EPHA3: variants seen among roughly 807,000 people sequenced by gnomAD.
EPHA3 encodes the protein EPH receptor A3, also known as ephrin type-A receptor 3.
Under a neutral mutation model 107.1 loss-of-function variants are expected in EPHA3, and 42 were observed. That is an observed-to-expected ratio of 0.39 (90% CI 0.31 to 0.51). The LOEUF (loss-of-function observed/expected upper bound fraction) is 0.51. EPHA3 is among the 20% of genes least tolerant of loss of function. The probability of loss-of-function intolerance (pLI) is 0.78; values close to 1 mark genes in which losing one functional copy is unlikely to be tolerated. For missense variants in EPHA3, 1,183 were observed against 1,211.2 expected, an observed-to-expected ratio of 0.98 and a Z score of 0.35; for synonymous variants, 461 against 424.8, an observed-to-expected ratio of 1.09 and a Z score of -1.05.
chr3:89,337,119 G>A (rs1162542078), intron 3 of EPHA3, among the ~76,000 whole-genome samples: 6 of 151,834 alleles, frequency 4.0e-5, no homozygotes, highest in East Asian at 1.9e-4. Context: ...AGACATGTAC[G>A]AGAGAGCATT....
chr3:89,362,334 A>T (rs537897667), intron 5 of EPHA3, among the ~76,000 whole-genome samples: 1 of 151,148 alleles, frequency 6.6e-6, no homozygotes, highest in South Asian at 2.1e-4. Flanking sequence ...ATGGTGGGAG[A>T]TTAGCCTAGA....
At chr3:89,424,938 G>T (rs1375681628) in intron 11 of EPHA3, among the ~76,000 whole-genome samples, 1 of 151,394 alleles carries the variant, frequency 6.6e-6, no homozygotes, top group Admixed American at 6.6e-5. Context: ...GAGTAGGGTT[G>T]GTTAAGGAAG....
intron 2 of EPHA3, among the ~76,000 whole-genome samples, chr3:89,192,367 A>T (rs1196372139): frequency 6.6e-6 from 1 of 152,122 alleles, no homozygotes; most frequent in Admixed American, 6.5e-5. Flanking sequence ...GAGTTATAGG[A>T]GTAAAAGTTT....
intron 3 of EPHA3, among the ~76,000 whole-genome samples, chr3:89,328,468 T>G (rs1187211771): frequency 6.6e-6 from 1 of 152,228 alleles, no homozygotes; most frequent in African/African-American, 2.4e-5. Context: ...TGGAAAGAGA[T>G]AAGGTAATCA....
chr3:89,148,904 A>G (rs1704629591), intron 2 of EPHA3, among the ~76,000 whole-genome samples: 1 of 152,040 alleles, frequency 6.6e-6, no homozygotes, highest in African/African-American at 2.4e-5. Flanking sequence ...ATAAACATAT[A>G]ACATATTATT....
chr3:89,442,034 A>C (rs1472359620), intron 13 of EPHA3, among the ~76,000 whole-genome samples: 2 of 152,204 alleles, frequency 1.3e-5, no homozygotes, highest in Non-Finnish European at 2.9e-5. Context: ...TCTTACTAAA[A>C]TGCTTGGTTA....
At chr3:89,365,359 C>A (rs560070338) in intron 5 of EPHA3, among the ~76,000 whole-genome samples, 1 of 150,766 alleles carries the variant, frequency 6.6e-6, no homozygotes, top group Admixed American at 6.7e-5. Context: ...GGTCTACAAT[C>A]TTTTGGGGGG....
chr3:89,169,999 A>G (rs982165532), intron 2 of EPHA3, among the ~76,000 whole-genome samples: 1 of 152,126 alleles, frequency 6.6e-6, no homozygotes, highest in Admixed American at 6.5e-5. Flanking sequence ...CTGTAATCCC[A>G]GCACTTTGGG....
intron 5 of EPHA3, among the ~76,000 whole-genome samples, chr3:89,369,902 A>G (rs1708259638): frequency 6.6e-6 from 1 of 150,822 alleles, no homozygotes; most frequent in African/African-American, 2.4e-5. Flanking sequence ...AAACACATGA[A>G]AAAATGCTCA....
chr3:89,110,460 T>G (rs1000870902), intron 1 of EPHA3, among the ~76,000 whole-genome samples: 15 of 151,968 alleles, frequency 9.9e-5, no homozygotes, highest in African/African-American at 3.6e-4. Context: ...TTTCCTTCTA[T>G]TAATGTATTT....
At chr3:89,355,329 G>A (rs1258587812) in intron 5 of EPHA3, among the ~76,000 whole-genome samples, 2 of 151,034 alleles carry the variant, frequency 1.3e-5, no homozygotes, top group African/African-American at 4.8e-5. Context: ...CCATTTCTAA[G>A]TTTCTTTCCA....
At chr3:89,409,802 A>G (rs1709123434) in intron 9 of EPHA3, among the ~76,000 whole-genome samples, 1 of 152,052 alleles carries the variant, frequency 6.6e-6, no homozygotes, top group African/African-American at 2.4e-5. Flanking sequence ...ATTGCTTCAA[A>G]AGGAAAGAAA....
intron 3 of EPHA3, among the ~76,000 whole-genome samples, chr3:89,222,109 C>A (rs1298296225): frequency 1.3e-5 from 2 of 151,858 alleles, no homozygotes; most frequent in Non-Finnish European, 2.9e-5. Context: ...TTCCATTGCT[C>A]CTGCTGTTGC....
At chr3:89,398,406 AC>A (rs1162639193) in intron 6 of EPHA3, among the ~76,000 whole-genome samples, 2 of 152,226 alleles carry the variant, frequency 1.3e-5, no homozygotes, top group Non-Finnish European at 2.9e-5. Flanking sequence ...AATCTAATGT[AC>A]AATGTGAATC....
At chr3:89,232,000 C>T (rs1704645489) in intron 3 of EPHA3, among the ~76,000 whole-genome samples, 1 of 152,056 alleles carries the variant, frequency 6.6e-6, no homozygotes, top group South Asian at 2.1e-4. Context: ...CAGGGCAGGA[C>T]ACCTGTCACA....
Position 89,404,077 on chromosome 3 carries a change from C to T in EPHA3, c.1595-3192C>T, listed in dbSNP as rs531432863. 2.5e-4 allele frequency among the ~76,000 whole-genome samples: 38 copies of T among 152,108 alleles called. No homozygotes were observed. In the East Asian group the frequency reaches 6.0e-3, roughly 24 times the overall value. Reference sequence around the variant, plus strand: ...CCCCAGGGATAATTAAATTAGCGCTCCCGAAAGCCTCACACCCTCATTATT... The same window carrying T: ...CCCCAGGGATAATTAAATTAGCGCTTCCGAAAGCCTCACACCCTCATTATT... On this transcript the variant is annotated intron_variant, in intron 7 of 16. Transcript: ENST00000336596.
At chr3:89,425,004 G>A (rs1303004541) in intron 11 of EPHA3, among the ~76,000 whole-genome samples, 1 of 151,420 alleles carries the variant, frequency 6.6e-6, no homozygotes, top group Non-Finnish European at 1.5e-5. Flanking sequence ...TCTCTAGCCA[G>A]TCTGAAATTA....
chr3:89,129,994 T>C lies in EPHA3; in HGVS notation c.153+2721T>C, dbSNP rs1355713366. ...AAATCATAATAACAATATTATACCA[T>C]ATTAAATCACTGCAAATTCTCACTC... On this transcript the variant is annotated intron_variant, in intron 2 of 16. Coordinates refer to ENST00000336596, the MANE Select transcript of EPHA3 (RefSeq NM_005233.6). 3.3e-5 allele frequency among the ~76,000 whole-genome samples: 5 copies of C among 152,250 alleles called. No individual in the cohort carries two copies. In the East Asian group the frequency reaches 9.7e-4, roughly 29 times the overall value.
At chr3:89,335,295 A>C (rs1259869011) in intron 3 of EPHA3, among the ~76,000 whole-genome samples, 1 of 152,116 alleles carries the variant, frequency 6.6e-6, no homozygotes, top group East Asian at 1.9e-4. Flanking sequence ...TCCTCAGATG[A>C]TAGAAGGGAC....
Sources: allele counts gnomAD v4.1 joint callset (sites outside exome capture counted in the v4.1 genomes callset), GRCh38; gene constraint gnomAD v4.1.1; transcripts MANE v1.5; gene names NCBI Gene and HGNC (gene_info 2026-07-23, HGNC 2026-07-21).